Variants in PATL2 observed in about 807,000 individuals in gnomAD.
PATL2 encodes PAT1 homolog 2.
A neutral mutation model predicts 77.0 loss-of-function variants in PATL2; 73 were observed. The ratio of observed to expected loss-of-function variants is 0.95; its 90% CI spans 0.78 to 1.15. PATL2 has a LOEUF of 1.15. PATL2 is among the 50% of genes most tolerant of loss of function. The probability of loss-of-function intolerance (pLI) is 0.00; values close to 1 mark genes in which losing one functional copy is unlikely to be tolerated. For missense variants in PATL2, 618 were observed against 655.4 expected (o/e 0.94, Z 0.62); for synonymous variants, 265 against 257.1 (o/e 1.03, Z -0.29).
chr15:44,682,023 G>A (rs142384949), intron 3 of PATL2, among the ~76,000 whole-genome samples: 11 of 152,266 alleles, frequency 7.2e-5, no homozygotes, highest in South Asian at 6.2e-4. Flanking sequence ...GAGACCTCTC[G>A]CCCTTGGTCT....
At chr15:44,671,475 G>A (rs1468656293) in intron 9 of PATL2, among the ~76,000 whole-genome samples, 3 of 151,146 alleles carry the variant, frequency 2.0e-5, no homozygotes, top group African/African-American at 7.3e-5. Context: ...GATGACAGAG[G>A]GAGACTCTGT....
chr15:44,706,995 CT>C (rs1566872377), intron 3 of PATL2, among the ~76,000 whole-genome samples: 1 of 152,164 alleles, frequency 6.6e-6, no homozygotes, highest in Non-Finnish European at 1.5e-5. Context: ...TTTCCCTCCC[CT>C]TTCCACAAGC....
At chr15:44,689,205 G>T (rs1191704220) in intron 3 of PATL2, among the ~76,000 whole-genome samples, 1 of 152,186 alleles carries the variant, frequency 6.6e-6, no homozygotes, top group African/African-American at 2.4e-5. Flanking sequence ...TAAAAAGTCA[G>T]GAAACAACAG....
intron 3 of PATL2, among the ~76,000 whole-genome samples, chr15:44,698,820 C>G (rs1275283195): frequency 6.6e-6 from 1 of 152,214 alleles, no homozygotes; most frequent in African/African-American, 2.4e-5. Flanking sequence ...AACCTCCAAG[C>G]TGTTCTCCCT....
At chr15:44,679,716 T>G (rs1245434317) in intron 3 of PATL2, among the ~76,000 whole-genome samples, 2 of 152,112 alleles carry the variant, frequency 1.3e-5, no homozygotes, top group Non-Finnish European at 2.9e-5. Context: ...TTATTCCTAA[T>G]ATTATTCATC....
chr15:44,668,217 T>C, intron 15 of PATL2, 125 bp downstream of exon 15: 1 of 1,202,370 alleles, frequency 8.3e-7, no homozygotes, highest in East Asian at 2.7e-5. Flanking sequence ...ATGTGCTTAC[T>C]AGAAATAGAG....
At chr15:44,687,585 G>C (rs184587405) in intron 3 of PATL2, among the ~76,000 whole-genome samples, 3,495 of 152,206 alleles carry the variant, frequency 0.023, 57 homozygotes, top group Non-Finnish European at 0.033. Flanking sequence ...AGAAATAAAG[G>C]GTATTCAAAT....
At chr15:44,709,599 C>T (rs1436168989) in intron 3 of PATL2, among the ~76,000 whole-genome samples, 4 of 152,112 alleles carry the variant, frequency 2.6e-5, no homozygotes, top group African/African-American at 7.2e-5. Context: ...AAACAGTGCT[C>T]TTGTTTTTAA....
intron 3 of PATL2, among the ~76,000 whole-genome samples, chr15:44,689,498 T>C (rs1167750280): frequency 6.6e-6 from 1 of 152,210 alleles, no homozygotes; most frequent in African/African-American, 2.4e-5. Context: ...AACGAACATG[T>C]GGCACATATA....
intron 3 of PATL2, among the ~76,000 whole-genome samples, chr15:44,679,929 A>G (rs374559790): frequency 1.3e-5 from 2 of 152,358 alleles, no homozygotes; most frequent in East Asian, 3.9e-4. Flanking sequence ...AGGATGGAGC[A>G]GTCACCAGAA....
intron 3 of PATL2, among the ~76,000 whole-genome samples, chr15:44,689,250 T>C (rs2086331294): frequency 6.6e-6 from 1 of 152,226 alleles, no homozygotes; most frequent in Non-Finnish European, 1.5e-5. Flanking sequence ...AGAATGCTTT[T>C]ACACTGTTGG....
chr15:44,686,501 A>G (rs1229617625), intron 3 of PATL2, among the ~76,000 whole-genome samples: 1 of 152,226 alleles, frequency 6.6e-6, no homozygotes, highest in Non-Finnish European at 1.5e-5. Flanking sequence ...TAAAAGAACT[A>G]GAGAAATAAG....
intron 3 of PATL2, among the ~76,000 whole-genome samples, chr15:44,677,915 C>T (rs1258776414): frequency 6.6e-6 from 1 of 152,192 alleles, no homozygotes; most frequent in Admixed American, 6.5e-5. Context: ...TCTTGGCCCA[C>T]TGCAGCCTCC....
At position 44,674,555 on chromosome 15, in the gene PATL2, T is replaced by TTA. The variant is rs572307534; in HGVS notation, c.223-327_223-326dup. 51 of 163,442 alleles carry TTA rather than the reference T, an allele frequency of 3.1e-4. 1 individual carries two copies. In the East Asian group the frequency reaches 6.8e-3, roughly 22 times the overall value. The allele number at this position is 163,442 out of a possible 1,614,324, so 10.1% of individuals were successfully genotyped here. A position where few individuals can be genotyped will look rare whatever the true frequency, so the allele number is the denominator to read the frequency against. On this transcript the variant is annotated intron_variant, in intron 5 of 17. Transcript: ENST00000682850. ...CTTATATATACATGCCTATGATAGT[T>TTA]TATATATATATTTAAAAAAAATTTT...
intron 3 of PATL2, among the ~76,000 whole-genome samples, chr15:44,698,588 T>C (rs533728337): frequency 9.5e-4 from 144 of 152,332 alleles, no homozygotes; most frequent in Non-Finnish European, 1.9e-3. Flanking sequence ...TCACCCTTTA[T>C]TATGGCCAAA....
At chr15:44,688,483 A>T (rs1192542519) in intron 3 of PATL2, among the ~76,000 whole-genome samples, 1 of 152,178 alleles carries the variant, frequency 6.6e-6, no homozygotes, top group Non-Finnish European at 1.5e-5. Flanking sequence ...CAGTAACCAG[A>T]ACAGCATGGC....
chr15:44,667,128 G>T lies in PATL2; in HGVS notation c.1441C>A (p.Pro481Thr). 6.4e-7 allele frequency: 1 copy of T among 1,551,528 alleles called. No homozygotes were observed. Among genetic ancestry groups the T allele is most frequent in the Non-Finnish European group, 8.7e-7 (1 of 1,146,898 alleles). ...LVSLHSSLEEPNSDHTAWTDM... is the reference protein window; with the variant it reads ...LVSLHSSLEETNSDHTAWTDM... ...TACCAAGCTGTATGGTCACTGTTGG[G>T]TTCCTCTAGGGAAGAATGCAGCGAT... The change falls in exon 16 of 18, where the codon CCC (proline) becomes ACC (threonine). Residue 481 changes from proline to threonine, a missense_variant. Physicochemically the swap from Pro to Thr is conservative, Grantham distance 38 (BLOSUM62 -1). Transcript: ENST00000682850.
chr15:44,697,897 T>A (rs2086542811), intron 3 of PATL2, among the ~76,000 whole-genome samples: 1 of 151,942 alleles, frequency 6.6e-6, no homozygotes, highest in Non-Finnish European at 1.5e-5. Flanking sequence ...TTCCCACTTT[T>A]TTTTTATTAT....
At chr15:44,707,364 G>A (rs542963295) in intron 3 of PATL2, among the ~76,000 whole-genome samples, 14 of 152,056 alleles carry the variant, frequency 9.2e-5, no homozygotes, top group Non-Finnish European at 1.9e-4. Flanking sequence ...GCACGTCTCT[G>A]AGTCTCACCC....
Sources: allele counts gnomAD v4.1 joint callset (sites outside exome capture counted in the v4.1 genomes callset), GRCh38; gene constraint gnomAD v4.1.1; transcripts MANE v1.5; gene names NCBI Gene and HGNC (gene_info 2026-07-23, HGNC 2026-07-21).